Variants in GRIK4 observed in about 807,000 individuals in gnomAD.
GRIK4 encodes the protein glutamate receptor ionotropic, kainate 4.
In GRIK4, 40 loss-of-function variants were observed where a neutral mutation model predicts 104.9. The ratio of observed to expected loss-of-function variants is 0.38; its 90% CI spans 0.30 to 0.50. The LOEUF is 0.50. GRIK4 is among the 20% of genes least tolerant of loss of function. The probability of loss-of-function intolerance (pLI) is 0.93; values close to 1 mark genes in which losing one functional copy is unlikely to be tolerated. For synonymous variants in GRIK4, 485 were observed against 524.9 expected (o/e 0.92, Z 1.04); for missense variants, 1,047 against 1,308.1 (o/e 0.80, Z 3.08).
At chr11:120,798,295 A>G (rs1952561203) in intron 3 of GRIK4, among the ~76,000 whole-genome samples, 1 of 147,884 alleles carries the variant, frequency 6.8e-6, no homozygotes, top group African/African-American at 2.5e-5. Context: ...AGTAGCTGGG[A>G]TTACAGGTGC....
intron 9 of GRIK4, chr11:120,868,268 G>C (rs1954480370): frequency 1.3e-5 from 2 of 152,214 alleles, no homozygotes; most frequent in East Asian, 3.9e-4. Context: ...CAGCTCAAAA[G>C]AAAATAACAA....
chr11:120,928,249 G>C (rs907318062), intron 13 of GRIK4, among the ~76,000 whole-genome samples: 3 of 151,082 alleles, frequency 2.0e-5, no homozygotes, highest in Non-Finnish European at 4.4e-5. Context: ...GCGACACGGA[G>C]AAAAATGGCA....
At chr11:120,769,648 T>C (rs1951904109) in intron 3 of GRIK4, among the ~76,000 whole-genome samples, 1 of 152,178 alleles carries the variant, frequency 6.6e-6, no homozygotes, top group African/African-American at 2.4e-5. Flanking sequence ...TAGCAGATCA[T>C]AGTTTGCTGA....
intron 3 of GRIK4, among the ~76,000 whole-genome samples, chr11:120,770,154 C>T (rs760269260): frequency 6.6e-6 from 1 of 152,084 alleles, no homozygotes; most frequent in Non-Finnish European, 1.5e-5. Context: ...CCCATGGGTG[C>T]AATAGGGAAG....
chr11:120,919,540 A>ACT (rs2134561669), intron 13 of GRIK4, among the ~76,000 whole-genome samples: 1 of 152,284 alleles, frequency 6.6e-6, no homozygotes, highest in Admixed American at 6.5e-5. Context: ...CTGGGGTGGG[A>ACT]CTCAACAATT....
At chr11:120,977,623 TGAG>T (rs1368790756) in intron 19 of GRIK4, among the ~76,000 whole-genome samples, 2 of 152,194 alleles carry the variant, frequency 1.3e-5, no homozygotes, top group Admixed American at 1.3e-4. Flanking sequence ...CTTGCTTCTA[TGAG>T]GAGGAGGCCA....
At chr11:120,941,069 G>A (rs1565452466) in intron 14 of GRIK4, among the ~76,000 whole-genome samples, 2 of 152,298 alleles carry the variant, frequency 1.3e-5, no homozygotes, top group East Asian at 3.9e-4. Context: ...AAGTATACTG[G>A]CCGGTGGGAA....
At chr11:120,761,310 G>C (rs993536816) in intron 3 of GRIK4, among the ~76,000 whole-genome samples, 2 of 151,998 alleles carry the variant, frequency 1.3e-5, no homozygotes, top group Admixed American at 1.3e-4. Context: ...TTTTTTTCTT[G>C]TAAGTTTGTT....
At chr11:120,826,862 C>A (rs1050524840) in intron 6 of GRIK4, among the ~76,000 whole-genome samples, 1 of 152,218 alleles carries the variant, frequency 6.6e-6, no homozygotes, top group Non-Finnish European at 1.5e-5. Context: ...CCTTCCCCAC[C>A]TGGGGACACC....
At chr11:120,835,041 C>T (rs1953537626) in intron 7 of GRIK4, among the ~76,000 whole-genome samples, 1 of 152,172 alleles carries the variant, frequency 6.6e-6, no homozygotes, top group Admixed American at 6.5e-5. Flanking sequence ...ACATCATCCT[C>T]TTGAAAGTGA....
chr11:120,824,548 C>CTCTTTTTTTTTTTTTTTTTTTTTTT (rs1391390503), intron 6 of GRIK4, among the ~76,000 whole-genome samples: 1 of 131,178 alleles, frequency 7.6e-6, no homozygotes, highest in Non-Finnish European at 1.7e-5. Context: ...TTTTTTTTTT[C>CTCTTTTTTTTTTTTTTTTTTTTTTT]TTTTCTTTTT....
At position 120,986,051 on chromosome 11, in the gene GRIK4, A is replaced by G; in HGVS notation, c.2662A>G (p.Ser888Gly). The G allele has an allele frequency of 6.6e-7, 1 of 1,521,820 alleles. No homozygotes were observed. Among genetic ancestry groups the G allele is most frequent in the South Asian group, 1.2e-5 (1 of 81,616 alleles). The allele number at this position is 1,521,820 out of a possible 1,614,324, so 94.3% of individuals were successfully genotyped here. A position where few individuals can be genotyped will look rare whatever the true frequency, so the allele number is the denominator to read the frequency against. The change falls in exon 21 of 21, where the codon AGC becomes GGC. Residue 888 changes from serine (S) to glycine (G), a missense_variant. By Grantham distance (56) the Ser-to-Gly change is moderately conservative. Coordinates refer to ENST00000527524, the MANE Select transcript of GRIK4 (RefSeq NM_014619.5). The stretch of plus-strand genomic sequence containing the variant: ...CCGACCGCGGGGCACGGCGACGCTC[A>G]GCAACGGGAAGCTGTGCGGGGCAGG... ...ERRPRGTATL[S>G]NGKLCGAGEP...
chr11:120,759,655 G>C (rs1322081007), intron 3 of GRIK4, among the ~76,000 whole-genome samples: 2 of 152,048 alleles, frequency 1.3e-5, no homozygotes, highest in South Asian at 4.2e-4. Context: ...CTTAGTCTGG[G>C]TTCTTAAAAG....
intron 3 of GRIK4, among the ~76,000 whole-genome samples, chr11:120,754,970 GCTGT>G (rs1951627844): frequency 6.6e-6 from 1 of 152,096 alleles, no homozygotes. Context: ...TCATTGGTAG[GCTGT>G]CTTTTTACTT....
intron 13 of GRIK4, among the ~76,000 whole-genome samples, chr11:120,908,166 C>T (rs1334053537): frequency 6.6e-6 from 1 of 152,114 alleles, no homozygotes; most frequent in Non-Finnish European, 1.5e-5. Context: ...AATGGTGGCC[C>T]AGGGAGGTTA....
chr11:120,873,850 C>A, intron 9 of GRIK4: 1 of 490,974 alleles, frequency 2.0e-6, no homozygotes, highest in Non-Finnish European at 3.6e-6. Context: ...GAATCCTTTG[C>A]CACCATTGTG....
At chr11:120,811,670 A>G (rs946051536) in intron 4 of GRIK4, among the ~76,000 whole-genome samples, 50 of 152,372 alleles carry the variant, frequency 3.3e-4, no homozygotes, top group African/African-American at 1.2e-3. Flanking sequence ...TGTAGCCTTC[A>G]TATAGATATA....
intron 12 of GRIK4, among the ~76,000 whole-genome samples, chr11:120,899,365 G>T (rs1330753113): frequency 6.7e-6 from 1 of 148,534 alleles, no homozygotes. Flanking sequence ...AGGTTGCAGT[G>T]AGCCGAGATC....
intron 11 of GRIK4, among the ~76,000 whole-genome samples, chr11:120,891,758 G>A (rs1307068235): frequency 6.6e-6 from 1 of 152,200 alleles, no homozygotes; most frequent in Non-Finnish European, 1.5e-5. Flanking sequence ...GGAAGGAAAA[G>A]AACGTGGTTC....
Sources: allele counts gnomAD v4.1 joint callset (sites outside exome capture counted in the v4.1 genomes callset), GRCh38; gene constraint gnomAD v4.1.1; transcripts MANE v1.5; gene names NCBI Gene and HGNC (gene_info 2026-07-23, HGNC 2026-07-21).